The following DOCK9 variants were observed in gnomAD, a reference collection of about 807,000 sequenced individuals.
DOCK9 encodes the protein dedicator of cytokinesis 9.
Under a neutral mutation model 263.3 loss-of-function variants are expected in DOCK9, and 89 were observed. The observed-to-expected ratio is 0.34, with a 90% CI of 0.28 to 0.40. The LOEUF is 0.40. DOCK9 is among the 10% of genes least tolerant of loss of function. The pLI, the probability that DOCK9 is intolerant of heterozygous loss-of-function variation, is 1.00. For synonymous variants in DOCK9, 976 were observed against 973.1 expected (o/e 1.00, Z -0.06); for missense variants, 2,140 against 2,603.4 (o/e 0.82, Z 3.87).
intron 1 of DOCK9, among the ~76,000 whole-genome samples, chr13:99,079,990 A>G (rs1005738110): frequency 6.6e-6 from 1 of 152,220 alleles, no homozygotes; most frequent in Non-Finnish European, 1.5e-5. Flanking sequence ...CAGTGAGCCA[A>G]GATTGCACCA....
At chr13:99,086,845 G>C (rs948681254), upstream of DOCK9, among the ~76,000 whole-genome samples, 1 of 150,878 alleles carries the variant, frequency 6.6e-6, no homozygotes, top group Non-Finnish European at 1.5e-5. Context: ...ACCCTCACTG[G>C]GGAAGGTGGG....
At chr13:98,951,811 G>A (rs2057444148) in intron 2 of DOCK9, among the ~76,000 whole-genome samples, 1 of 152,168 alleles carries the variant, frequency 6.6e-6, no homozygotes, top group Admixed American at 6.5e-5. Context: ...TCTGCAAAAA[G>A]AAGGGCCATC....
intron 2 of DOCK9, among the ~76,000 whole-genome samples, chr13:98,954,897 C>CACACACACACAT (rs1267820966): frequency 1.8e-4 from 27 of 149,932 alleles, no homozygotes; most frequent in African/African-American, 6.1e-4. Flanking sequence ...CACACACACA[C>CACACACACACAT]ATTTTGGCAT....
chr13:99,055,515 G>C (rs9517574), intron 1 of DOCK9, among the ~76,000 whole-genome samples: 61,472 of 151,838 alleles, frequency 0.4, 12,909 homozygotes, highest in East Asian at 0.68. Flanking sequence ...GACCGCAATG[G>C]GAGAAATTAG....
At chr13:98,967,166 T>C (rs1207683460) in intron 1 of DOCK9, among the ~76,000 whole-genome samples, 1 of 152,264 alleles carries the variant, frequency 6.6e-6, no homozygotes, top group East Asian at 1.9e-4. Context: ...TTATTTAACC[T>C]TTTAATCTCC....
intron 47 of DOCK9, 56 bp downstream of exon 47, chr13:98,809,296 T>A: frequency 6.9e-7 from 1 of 1,459,780 alleles, no homozygotes; most frequent in Non-Finnish European, 9.4e-7. Context: ...TTTGTTTTTG[T>A]TTTTGTTTTT....
intron 45 of DOCK9, among the ~76,000 whole-genome samples, chr13:98,823,848 G>C (rs1166582818): frequency 6.6e-6 from 1 of 152,000 alleles, no homozygotes; most frequent in Non-Finnish European, 1.5e-5. Context: ...CAAACTTGCT[G>C]GTCTCTGTAG....
chr13:98,883,001 A>G, intron 23 of DOCK9, 41 bp downstream of exon 23: 1 of 1,566,894 alleles, frequency 6.4e-7, no homozygotes, highest in South Asian at 1.2e-5. Context: ...AACCTACTCC[A>G]AACTCACTTA....
rs539255490 is a variant in DOCK9 at position 98,882,589 on chromosome 13, C to T, written c.2559+453G>A. 2.5e-4 allele frequency among the ~76,000 whole-genome samples: 38 copies of T among 152,258 alleles called. No individual in the cohort carries two copies. The South Asian group carries it at 4.6e-3, about 18-fold the overall frequency. On this transcript the variant is annotated intron_variant, in intron 23 of 52. Coordinates refer to ENST00000682017, the MANE Select transcript of DOCK9 (RefSeq NM_001366683.2). ...CTGCCTGGCTCTTGCTGCTTAGACA[C>T]GCCAGGAACCCCTTGCACAAAGCTG... is the stretch of plus-strand genomic sequence containing the variant.
chr13:98,803,905 T>C (rs558267908), intron 49 of DOCK9, among the ~76,000 whole-genome samples: 1 of 151,846 alleles, frequency 6.6e-6, no homozygotes, highest in African/African-American at 2.4e-5. Context: ...CTCCCTGCAA[T>C]ACGCTGTCCT....
At chr13:98,926,336 G>A (rs1444442810) in intron 3 of DOCK9, among the ~76,000 whole-genome samples, 1 of 152,212 alleles carries the variant, frequency 6.6e-6, no homozygotes, top group Non-Finnish European at 1.5e-5. Context: ...ATTAGAACTA[G>A]CTAGCTCTGT....
chr13:99,011,820 TTTTG>T (rs748026634), intron 1 of DOCK9, among the ~76,000 whole-genome samples: 26 of 152,338 alleles, frequency 1.7e-4, no homozygotes, highest in Non-Finnish European at 2.8e-4. Context: ...AGCATTCTTT[TTTTG>T]TTTATTTGTT....
chr13:99,006,330 T>C (rs1883329698), intron 1 of DOCK9, among the ~76,000 whole-genome samples: 1 of 152,182 alleles, frequency 6.6e-6, no homozygotes, highest in South Asian at 2.1e-4. Context: ...CTTTAAAAAA[T>C]TCATTCTTCG....
rs889211741 is a variant in DOCK9, at chr13:99,040,001, C to A, written c.129+46222G>T. 2.6e-5 allele frequency among the ~76,000 whole-genome samples: 4 copies of A among 152,150 alleles called. No individual in the cohort carries two copies. The South Asian group carries it at 8.3e-4, about 32-fold the overall frequency. On this transcript the variant is annotated intron_variant, in intron 1 of 32. Transcript: ENST00000427887. ...TAATGTGAGCTATTGCCATATAATT[C>A]CCCTATGAAGTGAATGCTTGTGTTT...
At chr13:98,996,461 A>G (rs757869550) in intron 1 of DOCK9, among the ~76,000 whole-genome samples, 15 of 152,366 alleles carry the variant, frequency 9.8e-5, no homozygotes, top group Non-Finnish European at 1.5e-4. Flanking sequence ...TCACAAATGT[A>G]TATTTCACAT....
chr13:99,057,245 C>T (rs1176126836), intron 1 of DOCK9, among the ~76,000 whole-genome samples: 1 of 152,028 alleles, frequency 6.6e-6, no homozygotes, highest in East Asian at 1.9e-4. Flanking sequence ...CACTTGCAAC[C>T]AAGAGTCCAA....
intron 1 of DOCK9, among the ~76,000 whole-genome samples, chr13:98,966,221 C>T (rs1312019468): frequency 1.3e-5 from 2 of 152,318 alleles, no homozygotes; most frequent in South Asian, 2.1e-4. Flanking sequence ...CTAGGTGGAA[C>T]GGGAGCAGCT....
intron 1 of DOCK9, among the ~76,000 whole-genome samples, chr13:98,968,796 T>C (rs2059444528): frequency 6.6e-6 from 1 of 152,222 alleles, no homozygotes; most frequent in African/African-American, 2.4e-5. Flanking sequence ...TGGAAAAGCA[T>C]ACCACATCAG....
chr13:98,827,339 T>C (rs1447779018), intron 43 of DOCK9, among the ~76,000 whole-genome samples: 1 of 152,248 alleles, frequency 6.6e-6, no homozygotes, highest in Non-Finnish European at 1.5e-5. Context: ...TATAATTTTT[T>C]CCAAATATAA....
Sources: allele counts gnomAD v4.1 joint callset (sites outside exome capture counted in the v4.1 genomes callset), GRCh38; gene constraint gnomAD v4.1.1; transcripts MANE v1.5; gene names NCBI Gene and HGNC (gene_info 2026-07-23, HGNC 2026-07-21).